DCLK2: variants seen among roughly 807,000 people sequenced by gnomAD.
DCLK2 encodes serine/threonine-protein kinase DCLK2.
Under a neutral mutation model 78.4 loss-of-function variants are expected in DCLK2, and 31 were observed. The ratio of observed to expected loss-of-function variants is 0.40; its 90% CI spans 0.30 to 0.53. The LOEUF (loss-of-function observed/expected upper bound fraction) is 0.53, where lower values mean the gene tolerates loss of function less well. Ranked by LOEUF, DCLK2 falls within the 20% of genes least tolerant of loss-of-function variation. The pLI, the probability that DCLK2 is intolerant of heterozygous loss-of-function variation, is 0.61. For synonymous variants in DCLK2, 407 were observed against 374.9 expected (o/e 1.09, Z -0.99); for missense variants, 872 against 973.7 (o/e 0.90, Z 1.39).
At chr4:150,216,227 A>G (rs1339151059) in intron 5 of DCLK2, among the ~76,000 whole-genome samples, 1 of 152,260 alleles carries the variant, frequency 6.6e-6, no homozygotes, top group Non-Finnish European at 1.5e-5. Context: ...CTAAAAACAG[A>G]AAACTGGAGT....
intron 2 of DCLK2, among the ~76,000 whole-genome samples, chr4:150,138,555 T>C (rs2150209234): frequency 6.6e-6 from 1 of 152,292 alleles, no homozygotes; most frequent in African/African-American, 2.4e-5. Flanking sequence ...AAAAAAAATA[T>C]TTTTTGACCT....
At chr4:150,211,305 C>T (rs1740295514) in intron 5 of DCLK2, among the ~76,000 whole-genome samples, 1 of 151,274 alleles carries the variant, frequency 6.6e-6, no homozygotes, top group Non-Finnish European at 1.5e-5. Context: ...TCCCCAGAAC[C>T]AAGTGATAAG....
rs966054078 is a variant in DCLK2, at chr4:150,172,706, C to G, written c.757-20432C>G. On this transcript the variant is annotated intron_variant, in intron 2 of 15. Transcript: ENST00000296550. ...GACCCAGAATAGTTGATAACTTTCT[C>G]AAGGCTACTAAACATGCAGTTCTCC... 2.1e-5 allele frequency among the ~76,000 whole-genome samples: 3 copies of G among 141,580 alleles called. No homozygotes were observed. In the Admixed American group the frequency reaches 2.2e-4, roughly 10 times the overall value. The allele number at this position is 141,580 out of a possible 152,430, so 92.9% of individuals were successfully genotyped here.
At chr4:150,113,920 A>G (rs1731877653) in intron 2 of DCLK2, among the ~76,000 whole-genome samples, 1 of 152,168 alleles carries the variant, frequency 6.6e-6, no homozygotes, top group South Asian at 2.1e-4. Flanking sequence ...CTTTTGCTGT[A>G]TCCCAGAGAT....
chr4:150,223,306 G>A (rs1265114306), intron 7 of DCLK2, among the ~76,000 whole-genome samples: 1 of 152,190 alleles, frequency 6.6e-6, no homozygotes, highest in Non-Finnish European at 1.5e-5. Context: ...TCATGAGTGT[G>A]TACTACAACC....
chr4:150,193,510 A>G (rs1207618506), intron 3 of DCLK2, among the ~76,000 whole-genome samples: 1 of 152,200 alleles, frequency 6.6e-6, no homozygotes. Flanking sequence ...TCCCTCTCTT[A>G]TTGCATTGTT....
intron 11 of DCLK2, 26 bp from the exon 12 acceptor site, chr4:150,240,372 TC>T (rs754361386): frequency 1.4e-5 from 22 of 1,610,252 alleles, no homozygotes; most frequent in Non-Finnish European, 1.7e-5. Flanking sequence ...ATCAGTTCTC[TC>T]CCCCTCACCC....
chr4:150,250,627 C>A (rs1212090090), intron 15 of DCLK2, among the ~76,000 whole-genome samples: 1 of 151,764 alleles, frequency 6.6e-6, no homozygotes, highest in Admixed American at 6.6e-5. Context: ...CATCTGGGCC[C>A]CCCGTGACCC....
chr4:150,254,086 G>A (rs1744383109), intron 15 of DCLK2, among the ~76,000 whole-genome samples: 1 of 152,236 alleles, frequency 6.6e-6, no homozygotes, highest in Non-Finnish European at 1.5e-5. Flanking sequence ...CAGGGTGCAT[G>A]CAGGACGGCC....
chr4:150,081,723 A>G (rs749347080), intron 1 of DCLK2, among the ~76,000 whole-genome samples: 4 of 151,762 alleles, frequency 2.6e-5, no homozygotes, highest in Non-Finnish European at 5.9e-5. Context: ...TAGGTACAAT[A>G]GTTCACGTCT....
intron 2 of DCLK2, among the ~76,000 whole-genome samples, chr4:150,189,680 G>A (rs934288305): frequency 1.3e-5 from 2 of 152,136 alleles, no homozygotes; most frequent in African/African-American, 4.8e-5. Flanking sequence ...AGTCCTAAAT[G>A]TAAGTGGTGG....
At chr4:150,157,180 T>TTG (rs1553962061) in intron 2 of DCLK2, among the ~76,000 whole-genome samples, 14 of 146,774 alleles carry the variant, frequency 9.5e-5, no homozygotes, top group African/African-American at 3.5e-4. Context: ...TTTTTTTTTT[T>TTG]TTGTTACTGT....
intron 12 of DCLK2, among the ~76,000 whole-genome samples, chr4:150,240,682 T>A (rs60984810): frequency 0.018 from 2,654 of 146,786 alleles, 72 homozygotes; most frequent in African/African-American, 0.059. Flanking sequence ...CGCACCAGCA[T>A]GGCACATGTA....
chr4:150,088,606 G>A (rs972697858), intron 1 of DCLK2, among the ~76,000 whole-genome samples: 1 of 152,102 alleles, frequency 6.6e-6, no homozygotes, highest in African/African-American at 2.4e-5. Context: ...CCCTTCAGAT[G>A]TTTTGAGATG....
At chr4:150,124,570 C>A (rs143376000) in intron 2 of DCLK2, among the ~76,000 whole-genome samples, 1 of 152,228 alleles carries the variant, frequency 6.6e-6, no homozygotes, top group African/African-American at 2.4e-5. Flanking sequence ...AACACCTAGT[C>A]TTTTACATTG....
chr4:150,235,010 A>AT (rs1206676820), intron 10 of DCLK2, among the ~76,000 whole-genome samples: 3 of 152,088 alleles, frequency 2.0e-5, no homozygotes, highest in African/African-American at 7.2e-5. Context: ...ATTCATAAGG[A>AT]TACCCCCTTG....
chr4:150,108,303 T>C (rs1342710651), intron 2 of DCLK2, among the ~76,000 whole-genome samples: 1 of 151,016 alleles, frequency 6.6e-6, no homozygotes, highest in East Asian at 2.0e-4. Context: ...GGTCAGGAGA[T>C]TGAGACCATC....
chr4:150,095,028 A>T (rs1730358611), intron 1 of DCLK2, among the ~76,000 whole-genome samples: 1 of 152,262 alleles, frequency 6.6e-6, no homozygotes, highest in Non-Finnish European at 1.5e-5. Context: ...ACTAGCAGAA[A>T]CAAATAAATT....
rs925735310 is a variant in DCLK2, at chr4:150,170,345, G to GT, written c.757-22784dup. Among the ~76,000 whole-genome samples the GT allele has an allele frequency of 2.9e-3, 426 of 148,778 alleles. 2 individuals are homozygous for GT. Among genetic ancestry groups the GT allele is most frequent in the African/African-American group, 8.9e-3 (367 of 41,146 alleles). ...AGGCATGAGCCACCATGCCCGGCCA[G>GT]TTTTTTTTTAAAAGAAAGAAAAAGA... On this transcript the variant is annotated intron_variant, in intron 2 of 15. Transcript: ENST00000296550.
Sources: gnomAD v4.1 joint callset for allele counts (sites outside exome capture counted in the v4.1 genomes callset) on GRCh38, gnomAD v4.1.1 for gene constraint, MANE v1.5 for transcripts, NCBI Gene and HGNC (gene_info 2026-07-23, HGNC 2026-07-21) for gene names.